Variants in G3BP2 observed in about 807,000 individuals in gnomAD.
G3BP2 encodes G3BP stress granule assembly factor 2, also known as ras GTPase-activating protein-binding protein 2.
Under a neutral mutation model 56.7 loss-of-function variants are expected in G3BP2, and 11 were observed. The ratio of observed to expected loss-of-function variants is 0.19; its 90% CI spans 0.12 to 0.32. G3BP2 has a LOEUF of 0.32. Among genes scored for constraint, G3BP2 ranks in the 10% least tolerant of loss-of-function variants. The pLI is 1.00. For synonymous variants in G3BP2, 165 were observed against 191.6 expected (o/e 0.86, Z 1.15); for missense variants, 340 against 610.9 (o/e 0.56, Z 4.67).
intron 3 of G3BP2, among the ~76,000 whole-genome samples, chr4:75,698,328 C>T (rs1478352255): frequency 1.3e-5 from 2 of 152,098 alleles, no homozygotes; most frequent in East Asian, 1.9e-4. Flanking sequence ...AGCCATGAGC[C>T]AAGAAATGCA....
intron 3 of G3BP2, among the ~76,000 whole-genome samples, chr4:75,687,433 C>A (rs1436846398): frequency 1.3e-5 from 2 of 152,164 alleles, no homozygotes; most frequent in African/African-American, 4.8e-5. Context: ...TCCGCTGAAC[C>A]TCTTTTTCAT....
chr4:75,658,565 T>C (rs1482521450), intron 3 of G3BP2, among the ~76,000 whole-genome samples: 3 of 151,796 alleles, frequency 2.0e-5, no homozygotes, highest in Non-Finnish European at 2.9e-5. Flanking sequence ...CCGTCTCTAC[T>C]AAAAATACAA....
intron 4 of G3BP2, 71 bp from the exon 5 acceptor site, chr4:75,657,085 C>T: frequency 4.4e-6 from 3 of 674,712 alleles, no homozygotes; most frequent in Non-Finnish European, 7.7e-6. Context: ...AATTACATGG[C>T]ATACACAATT....
intron 3 of G3BP2, among the ~76,000 whole-genome samples, chr4:75,708,433 C>T (rs756531949): frequency 8.5e-5 from 13 of 152,252 alleles, no homozygotes; most frequent in African/African-American, 2.6e-4. Flanking sequence ...TCTTGATTGA[C>T]GTCACTCTCA....
At chr4:75,673,660 C>T, upstream of G3BP2, 1 of 1,225,560 alleles carries the variant, frequency 8.2e-7, no homozygotes. Flanking sequence ...AAGCAGGCTG[C>T]CTTTCTCCGG....
chr4:75,722,717 C>A (rs1215576788), intron 1 of G3BP2, among the ~76,000 whole-genome samples: 1 of 152,142 alleles, frequency 6.6e-6, no homozygotes, highest in Non-Finnish European at 1.5e-5. Flanking sequence ...AAGCAGAGGA[C>A]AATGCTTAGC....
intron 3 of G3BP2, among the ~76,000 whole-genome samples, chr4:75,708,897 G>A (rs1040431441): frequency 2.0e-5 from 3 of 152,166 alleles, no homozygotes; most frequent in African/African-American, 7.2e-5. Context: ...GACTGCTTGA[G>A]CCCAGGAATT....
chr4:75,710,738 C>T (rs371541833), intron 3 of G3BP2, among the ~76,000 whole-genome samples: 1 of 152,024 alleles, frequency 6.6e-6, no homozygotes, highest in South Asian at 2.1e-4. Flanking sequence ...GTAATAATAG[C>T]TCACTACATC....
chr4:75,722,421 C>T (rs533214838), intron 1 of G3BP2, among the ~76,000 whole-genome samples: 1 of 152,254 alleles, frequency 6.6e-6, no homozygotes, highest in East Asian at 1.9e-4. Context: ...AACAACTTTG[C>T]TAAAATGTCA....
At chr4:75,655,570 T>G (rs1343134704) in intron 6 of G3BP2, among the ~76,000 whole-genome samples, 198 bp downstream of exon 6, 1 of 152,242 alleles carries the variant, frequency 6.6e-6, no homozygotes, top group East Asian at 1.9e-4. Flanking sequence ...AACCACTGTT[T>G]TGGTGCAAGC....
At position 75,645,714 on chromosome 4, in the gene G3BP2, A is replaced by C. The variant is rs368330071; in HGVS notation, c.1177-12T>G. On this transcript the variant is annotated splice_polypyrimidine_tract_variant and intron_variant, in intron 11 of 11. Transcript: ENST00000359707. ...CGAAACATAATCGGCTTTATAAAAG[A>C]GAAGAAAAATATTTACATGGGCAGG... The C allele has an allele frequency of 8.3e-4, 1,336 of 1,611,262 alleles. No homozygotes were observed. Among genetic ancestry groups the C allele is most frequent in the Non-Finnish European group, 1.1e-3 (1,245 of 1,178,288 alleles).
intron 3 of G3BP2, among the ~76,000 whole-genome samples, chr4:75,696,502 C>CA (rs1439783128): frequency 6.6e-6 from 1 of 152,088 alleles, no homozygotes; most frequent in Non-Finnish European, 1.5e-5. Context: ...GGAATGGGGT[C>CA]AAAAAAGCAT....
intron 3 of G3BP2, among the ~76,000 whole-genome samples, chr4:75,717,312 C>A (rs1038452240): frequency 6.6e-6 from 1 of 152,124 alleles, no homozygotes; most frequent in African/African-American, 2.4e-5. Context: ...TGGTAGTGCA[C>A]ACCTGTAGTC....
chr4:75,648,726 T>C lies in G3BP2; in HGVS notation c.841A>G (p.Lys281Glu). ...GGTGGCTGAGATTGAACTTCTGGTT[T>C]AGCTTCGACTCTTGGCTAAAATATA... ...APVSQPRVEA[K>E]PEVQSQPPRV... is the part of the protein sequence containing the mutation. The change falls in exon 9 of 12, where the codon AAA becomes GAA. Residue 281 changes from lysine to glutamate, a missense_variant. Around this residue, in one of 4 missense-constraint regions of G3BP2, gnomAD observed 224 missense variants for 332.5 expected, o/e 0.67. Coordinates refer to ENST00000359707, the MANE Select transcript of G3BP2 (RefSeq NM_203505.3). 6.2e-7 allele frequency: 1 copy of C among 1,602,464 alleles called. No individual in the cohort carries two copies. The highest frequency in any genetic ancestry group is 8.5e-7 in the Non-Finnish European group (1 of 1,170,484).
intron 1 of G3BP2, chr4:75,672,926 A>C: frequency 3.5e-6 from 3 of 853,056 alleles, no homozygotes; most frequent in Non-Finnish European, 4.2e-6. Flanking sequence ...CCTCATCCCC[A>C]ATAAACCTCA....
In G3BP2 at chr4:75,673,240, C is replaced by A. The variant is rs1011773027; in HGVS notation, c.-57G>T. 7.1e-5 allele frequency: 87 copies of A among 1,219,130 alleles called. No individual in the cohort carries two copies. In the African/African-American group the frequency reaches 1.3e-3, roughly 18 times the overall value. 75.5% of individuals were successfully genotyped at this position (1,219,130 alleles called of 1,614,324 possible). A position where few individuals can be genotyped will look rare whatever the true frequency, so the allele number is the denominator to read the frequency against. ...CAACGGCGGCGGCGGGTACGTCGCG[C>A]GGAGGTCAGAAGAGTCGCTGAGGAC... On this transcript the variant is annotated 5_prime_UTR_variant, in exon 1 of 12. Transcript: ENST00000359707.
upstream of G3BP2, chr4:75,673,502 A>G: frequency 1.3e-5 from 16 of 1,231,966 alleles, no homozygotes; most frequent in East Asian, 6.3e-5. Flanking sequence ...CCAATCACGC[A>G]TCTCCTCCAG....
chr4:75,645,767 G>A, intron 11 of G3BP2, 65 bp from the exon 12 acceptor site: 3 of 1,397,702 alleles, frequency 2.1e-6, no homozygotes, highest in African/African-American at 1.4e-5. Context: ...TGATTACTCT[G>A]AACAGGTCAG....
At chr4:75,698,827 C>G (rs1483879251) in intron 3 of G3BP2, among the ~76,000 whole-genome samples, 8 of 152,124 alleles carry the variant, frequency 5.3e-5, no homozygotes, top group African/African-American at 1.9e-4. Context: ...ACCCAAGGCG[C>G]TAGGACCACA....
Sources: allele counts gnomAD v4.1 joint callset (sites outside exome capture counted in the v4.1 genomes callset), GRCh38; gene constraint gnomAD v4.1.1; regional missense constraint gnomAD v4.1.1; transcripts MANE v1.5; gene names NCBI Gene and HGNC (gene_info 2026-07-23, HGNC 2026-07-21).